The following AFF3 variants were observed in gnomAD, a reference collection of about 807,000 sequenced individuals.
AFF3 encodes the protein AF4/FMR2 family member 3.
In AFF3, 32 loss-of-function variants were observed where a neutral mutation model predicts 129.7. That is an observed-to-expected ratio of 0.25 (90% CI 0.19 to 0.33). The LOEUF (loss-of-function observed/expected upper bound fraction) is 0.33, where lower values mean the gene tolerates loss of function less well. Among genes scored for constraint, AFF3 ranks in the 10% least tolerant of loss-of-function variants. AFF3 has a pLI of 1.00. For missense variants in AFF3, 1,373 were observed against 1,592.0 expected, an observed-to-expected ratio of 0.86 and a Z score of 2.34; for synonymous variants, 644 against 635.4, an observed-to-expected ratio of 1.01 and a Z score of -0.20.
chr2:99,867,266 T>C (rs116409572), intron 7 of AFF3, among the ~76,000 whole-genome samples: 95 of 152,134 alleles, frequency 6.2e-4, no homozygotes, highest in African/African-American at 1.8e-3. Flanking sequence ...ATGAATAGCA[T>C]TTGCTTCGAA....
At chr2:99,948,397 T>C (rs754919358) in intron 7 of AFF3, among the ~76,000 whole-genome samples, 1 of 152,226 alleles carries the variant, frequency 6.6e-6, no homozygotes, top group Non-Finnish European at 1.5e-5. Context: ...TCCATCTCCC[T>C]GCCCCATTAC....
intron 11 of AFF3, among the ~76,000 whole-genome samples, chr2:99,696,964 C>T (rs1377306352): frequency 6.6e-6 from 1 of 152,182 alleles, no homozygotes; most frequent in Non-Finnish European, 1.5e-5. Context: ...TTCTTGATGG[C>T]TATAGGCAGG....
At chr2:100,074,696 C>T (rs111709637) in intron 4 of AFF3, among the ~76,000 whole-genome samples, 1 of 152,148 alleles carries the variant, frequency 6.6e-6, no homozygotes, top group Admixed American at 6.5e-5. Context: ...TTAGACGGTA[C>T]ACAATAGGCA....
intron 4 of AFF3, among the ~76,000 whole-genome samples, chr2:100,033,115 T>G (rs1684640903): frequency 6.6e-6 from 1 of 152,190 alleles, no homozygotes; most frequent in Non-Finnish European, 1.5e-5. Flanking sequence ...TCCTTGCATA[T>G]GCCATACCCA....
At chr2:99,881,709 G>A (rs1319019817) in intron 7 of AFF3, among the ~76,000 whole-genome samples, 1 of 152,172 alleles carries the variant, frequency 6.6e-6, no homozygotes, top group Non-Finnish European at 1.5e-5. Context: ...TTGGTCCAGG[G>A]AAACCCTCAA....
intron 7 of AFF3, among the ~76,000 whole-genome samples, chr2:99,996,723 C>G (rs999862047): frequency 6.6e-6 from 1 of 151,966 alleles, no homozygotes; most frequent in Non-Finnish European, 1.5e-5. Context: ...ATAACGAAGA[C>G]CTGTTACTTA....
chr2:99,781,518 C>T (rs984411749), intron 8 of AFF3, among the ~76,000 whole-genome samples: 2 of 152,212 alleles, frequency 1.3e-5, no homozygotes, highest in African/African-American at 2.4e-5. Context: ...TTATTTTAAA[C>T]GATGTTTTAC....
chr2:99,791,534 T>C (rs1685188434), intron 8 of AFF3, among the ~76,000 whole-genome samples: 1 of 152,244 alleles, frequency 6.6e-6, no homozygotes. Context: ...AACCTGTGAA[T>C]GTGGAACCCA....
At chr2:100,017,139 C>T (rs769199534) in intron 4 of AFF3, among the ~76,000 whole-genome samples, 3 of 152,004 alleles carry the variant, frequency 2.0e-5, no homozygotes, top group Non-Finnish European at 4.4e-5. Flanking sequence ...GAGAAACAGT[C>T]AACAGTGCAT....
At chr2:99,970,934 G>C (rs1395327550) in intron 7 of AFF3, among the ~76,000 whole-genome samples, 1 of 152,172 alleles carries the variant, frequency 6.6e-6, no homozygotes, top group Admixed American at 6.5e-5. Flanking sequence ...CACTCCCTAA[G>C]TTTCCTAAGT....
intron 7 of AFF3, among the ~76,000 whole-genome samples, chr2:99,947,589 AAGAAAGAAAGAAAGATAGATAGAT>A (rs1675724936): frequency 7.3e-6 from 1 of 137,028 alleles, no homozygotes; most frequent in South Asian, 2.5e-4. Flanking sequence ...AAAAGAAAGA[AAGAAAGAAAGAAAGATAGATAGAT>A]AGATAGATAG....
chr2:99,649,665 T>C lies in AFF3; in HGVS notation c.1145A>G (p.Gln382Arg). Residue 382 changes from glutamine (Q) to arginine (R), a missense_variant and splice_region_variant, in exon 13 of 25, where the codon CAG becomes CGG. Gln to Arg is a conservative substitution (Grantham distance 43, BLOSUM62 1). Transcript: ENST00000672756. ...LSSDEEENEQQAAQRTALRAL... is the reference protein window; with the variant it reads ...LSSDEEENEQRAAQRTALRAL... ...GCGGAGAGCCGTTCTCTGAGCTGCCTGCTGGAAGAAAGAAAGGGCAGAGAT... is the reference window on the plus strand; with the variant it reads ...GCGGAGAGCCGTTCTCTGAGCTGCCCGCTGGAAGAAAGAAAGGGCAGAGAT... 2 of 1,614,172 alleles carry C rather than the reference T, an allele frequency of 1.2e-6. No homozygotes were observed. Among genetic ancestry groups the C allele is most frequent in the Non-Finnish European group, 1.7e-6 (2 of 1,179,998 alleles).
intron 7 of AFF3, among the ~76,000 whole-genome samples, chr2:99,882,415 G>T (rs997157826): frequency 1.3e-5 from 2 of 152,240 alleles, no homozygotes; most frequent in Non-Finnish European, 2.9e-5. Flanking sequence ...AGCTGTGAAA[G>T]AAGCTAGTGA....
At chr2:99,850,124 A>ACCC (rs2105864627) in intron 7 of AFF3, among the ~76,000 whole-genome samples, 1 of 152,274 alleles carries the variant, frequency 6.6e-6, no homozygotes, top group Admixed American at 6.5e-5. Context: ...TTATGCTTGT[A>ACCC]ATCTGTCTGT....
At chr2:99,634,210 A>G (rs145616732) in intron 13 of AFF3, among the ~76,000 whole-genome samples, 3 of 152,194 alleles carry the variant, frequency 2.0e-5, no homozygotes, top group Non-Finnish European at 4.4e-5. Context: ...CCCAGGCCAC[A>G]TCTTTTCTTT....
chr2:99,980,863 C>T (rs560101394), intron 7 of AFF3, among the ~76,000 whole-genome samples: 1 of 152,288 alleles, frequency 6.6e-6, no homozygotes, highest in South Asian at 2.1e-4. Flanking sequence ...ATGAATAGCT[C>T]ATAATGCCAC....
At chr2:99,923,643 T>C (rs76258577) in intron 7 of AFF3, among the ~76,000 whole-genome samples, 4,423 of 152,260 alleles carry the variant, frequency 0.029, 206 homozygotes, top group African/African-American at 0.099. Flanking sequence ...TTGTTCAAAA[T>C]GGCAAATGAA....
chr2:99,909,847 C>A (rs1396198915), intron 7 of AFF3, among the ~76,000 whole-genome samples: 2 of 151,932 alleles, frequency 1.3e-5, no homozygotes, highest in African/African-American at 4.8e-5. Context: ...GAGTTTTTTC[C>A]CTATCTTTAT....
At chr2:99,564,576 C>A (rs1284914055) in intron 20 of AFF3, among the ~76,000 whole-genome samples, 2 of 152,116 alleles carry the variant, frequency 1.3e-5, no homozygotes, top group Non-Finnish European at 2.9e-5. Flanking sequence ...GTCGGCATGA[C>A]AGTTTCAAAG....
Sources: gnomAD v4.1 joint callset for allele counts (sites outside exome capture counted in the v4.1 genomes callset) on GRCh38, gnomAD v4.1.1 for gene constraint, MANE v1.5 for transcripts, NCBI Gene and HGNC (gene_info 2026-07-23, HGNC 2026-07-21) for gene names.